The following LUZP1 variants were observed in gnomAD, a reference collection of about 807,000 sequenced individuals.
LUZP1 encodes filamin mechanobinding actin cross-linking protein.
LUZP1 carries 25 observed loss-of-function variants against 71.3 expected under a neutral mutation model. The ratio of observed to expected loss-of-function variants is 0.35; its 90% CI spans 0.26 to 0.49. LUZP1 has a LOEUF of 0.49. Ranked by LOEUF, LUZP1 falls within the 20% of genes least tolerant of loss-of-function variation. The probability of loss-of-function intolerance (pLI) is 0.99; values close to 1 mark genes in which losing one functional copy is unlikely to be tolerated. For synonymous variants in LUZP1, 481 were observed against 506.4 expected (o/e 0.95, Z 0.67); for missense variants, 1,142 against 1,300.8 (o/e 0.88, Z 1.88).
chr1:23,144,723 G>C (rs890642635), intron 2 of LUZP1, among the ~76,000 whole-genome samples: 7 of 152,188 alleles, frequency 4.6e-5, no homozygotes, highest in African/African-American at 1.7e-4. Context: ...GAAAGGAGTA[G>C]CCAGCAATGA....
intron 1 of LUZP1, chr1:23,177,411 AG>A (rs1484866717): frequency 6.6e-6 from 1 of 152,462 alleles, no homozygotes; most frequent in Non-Finnish European, 1.5e-5. Context: ...CACAGACCCG[AG>A]GCACAAACTT....
exon 4 of LUZP1, chr1:23,091,419 T>C (rs778693487): frequency 9.9e-6 from 16 of 1,614,080 alleles, no homozygotes; most frequent in East Asian, 2.2e-5. Flanking sequence ...GGCATTGCTA[T>C]TGGTAGATTC....
intron 2 of LUZP1, among the ~76,000 whole-genome samples, chr1:23,147,021 C>T (rs777165170): frequency 5.3e-5 from 8 of 150,754 alleles, no homozygotes; most frequent in Admixed American, 1.3e-4. Flanking sequence ...GGCGTGAGCC[C>T]GGGAGGCGGA....
At chr1:23,157,775 A>C (rs2148198854) in intron 2 of LUZP1, among the ~76,000 whole-genome samples, 1 of 152,102 alleles carries the variant, frequency 6.6e-6, no homozygotes, top group East Asian at 1.9e-4. Flanking sequence ...TGAGCCATAG[A>C]GGGAGACTCC....
intron 2 of LUZP1, among the ~76,000 whole-genome samples, chr1:23,115,635 G>A (rs1280318168): frequency 1.3e-5 from 2 of 152,128 alleles, no homozygotes; most frequent in Non-Finnish European, 2.9e-5. Flanking sequence ...CCGCCTCCCG[G>A]GTTCAAGCGA....
chr1:23,114,287 C>T (rs57553582), intron 2 of LUZP1, among the ~76,000 whole-genome samples: 1 of 152,062 alleles, frequency 6.6e-6, no homozygotes, highest in African/African-American at 2.4e-5. Flanking sequence ...TTTATTTTTC[C>T]TCCTATAATT....
chr1:23,089,346 T>C (rs1170228950), intron 4 of LUZP1, among the ~76,000 whole-genome samples: 2 of 152,124 alleles, frequency 1.3e-5, no homozygotes, highest in Non-Finnish European at 2.9e-5. Flanking sequence ...AATGGGGGCA[T>C]GGGACTAGCA....
chr1:23,092,881 G>T (rs3765407), exon 4 of LUZP1: 1,288,919 of 1,613,002 alleles, frequency 0.8, 522,093 homozygotes, highest in Non-Finnish European at 0.84. Context: ...CCTTCGCTCT[G>T]GGAGGAGCCG....
exon 4 of LUZP1, chr1:23,091,407 T>C (rs764061159): frequency 6.2e-7 from 1 of 1,614,174 alleles, no homozygotes; most frequent in Non-Finnish European, 8.5e-7. Context: ...CCTCTGGGTG[T>C]AGGCATTGCT....
rs397737479 is a variant in LUZP1, at chr1:23,167,503, T to TCC, written c.-226+1262_-226+1263insGG. On this transcript the variant is annotated intron_variant, in intron 2 of 4. Transcript: ENST00000302291. ...TGCGACGGTGGAGCTGCAGGCAGTC[T>TCC]GGCCTTCTGGAAATCACACTACAGG... Among the ~76,000 whole-genome samples, 9 of 151,884 alleles carry TCC rather than the reference T, an allele frequency of 5.9e-5. No homozygotes were observed. The East Asian group carries it at 1.4e-3, about 23-fold the overall frequency.
chr1:23,093,058 G>A lies in LUZP1; in HGVS notation c.1204C>T (p.Leu402Phe), dbSNP rs1643872341. 2 of 1,614,174 alleles carry A rather than the reference G, an allele frequency of 1.2e-6. No individual in the cohort carries two copies. Among genetic ancestry groups the A allele is most frequent in the Non-Finnish European group, 1.7e-6 (2 of 1,180,008 alleles). Reference sequence around the variant, plus strand: ...TTGAGAGCAAACTCCCTGTTCCGGAGTCGTTCCCGCTTATGCTGAGGAGAC... The same window carrying A: ...TTGAGAGCAAACTCCCTGTTCCGGAATCGTTCCCGCTTATGCTGAGGAGAC... Residue 402 changes from leucine to phenylalanine, a missense_variant, in exon 4 of 5, where the codon CTC becomes TTC. Coordinates refer to ENST00000302291, the Ensembl canonical transcript of LUZP1. This position sits in a 1 kb window ranked among gnomAD's most constrained non-coding sequence, Gnocchi z 4.2.
chr1:23,141,386 C>T (rs1484300072), intron 2 of LUZP1, among the ~76,000 whole-genome samples: 4 of 152,194 alleles, frequency 2.6e-5, no homozygotes, highest in Non-Finnish European at 5.9e-5. Context: ...GTTCAAGGGA[C>T]CCAAGAAGAC....
At chr1:23,104,042 T>C (rs1643959279) in intron 3 of LUZP1, among the ~76,000 whole-genome samples, 1 of 151,718 alleles carries the variant, frequency 6.6e-6, no homozygotes, top group African/African-American at 2.4e-5. Flanking sequence ...AAGGTCTCTG[T>C]GGTAGGTTTG....
At chr1:23,125,730 C>A (rs1225843524) in intron 2 of LUZP1, among the ~76,000 whole-genome samples, 2 of 152,108 alleles carry the variant, frequency 1.3e-5, no homozygotes, top group African/African-American at 4.8e-5. Flanking sequence ...ATGGAGGACA[C>A]AGTATATCAG....
chr1:23,118,014 C>T (rs948921526), intron 2 of LUZP1, among the ~76,000 whole-genome samples: 2 of 152,034 alleles, frequency 1.3e-5, no homozygotes, highest in South Asian at 2.1e-4. Context: ...TGCTTGAACC[C>T]GGGAGGTGGA....
intron 2 of LUZP1, among the ~76,000 whole-genome samples, chr1:23,148,585 T>C (rs1183334167): frequency 6.6e-6 from 1 of 152,150 alleles, no homozygotes; most frequent in East Asian, 1.9e-4. Flanking sequence ...TTATAGGAAA[T>C]ATTCCTGAAA....
chr1:23,109,344 A>G (rs764019867), intron 2 of LUZP1, among the ~76,000 whole-genome samples: 1 of 152,176 alleles, frequency 6.6e-6, no homozygotes, highest in East Asian at 1.9e-4. Context: ...GCTGTAGGAG[A>G]CTTCCCCTTT....
At chr1:23,085,505 TAAC>T (rs780760288) in exon 5 of LUZP1, 12 of 152,278 alleles carry the variant, frequency 7.9e-5, no homozygotes, top group Non-Finnish European at 1.5e-4. Flanking sequence ...GTCAGAGAAA[TAAC>T]AAAACCTCAT....
chr1:23,145,358 A>C (rs2124716731), intron 2 of LUZP1, among the ~76,000 whole-genome samples: 1 of 152,346 alleles, frequency 6.6e-6, no homozygotes, highest in Admixed American at 6.5e-5. Flanking sequence ...AAAGCATAAC[A>C]CAATAATAAT....
Sources: gnomAD v4.1 joint callset for allele counts (sites outside exome capture counted in the v4.1 genomes callset) on GRCh38, gnomAD v4.1.1 for gene constraint, Gnocchi (gnomAD v3.1) non-coding constraint, MANE v1.5 for transcripts, NCBI Gene and HGNC (gene_info 2026-07-23, HGNC 2026-07-21) for gene names.